Variants in KIF5B observed in about 807,000 individuals in gnomAD.
The protein encoded by KIF5B is kinesin-1 heavy chain.
Under a neutral mutation model 132.8 loss-of-function variants are expected in KIF5B, and 49 were observed. The observed-to-expected ratio is 0.37, with a 90% CI of 0.29 to 0.47. KIF5B has a LOEUF of 0.47. Ranked by LOEUF, KIF5B falls within the 20% of genes least tolerant of loss-of-function variation. The pLI, the probability that KIF5B is intolerant of heterozygous loss-of-function variation, is 1.00. For missense variants in KIF5B, 780 were observed against 1,144.0 expected, an observed-to-expected ratio of 0.68 and a Z score of 4.59; for synonymous variants, 355 against 369.4, an observed-to-expected ratio of 0.96 and a Z score of 0.45.
Position 32,035,685 on chromosome 10 carries a change from G to A in KIF5B, c.817-18C>T. ...ACATATGTCTGCATACAAAAACAAA[G>A]AAAGAAAACAAGACCAGTATAATAA... On this transcript the variant is annotated intron_variant, in intron 9 of 25. Coordinates refer to ENST00000302418, the MANE Select transcript of KIF5B (RefSeq NM_004521.3). 3 of 1,585,106 alleles carry A rather than the reference G, an allele frequency of 1.9e-6. No individual in the cohort carries two copies. Among genetic ancestry groups the A allele is most frequent in the Non-Finnish European group, 2.6e-6 (3 of 1,168,524 alleles).
At chr10:32,030,202 T>A (rs1290803133) in intron 14 of KIF5B, among the ~76,000 whole-genome samples, 1 of 152,184 alleles carries the variant, frequency 6.6e-6, no homozygotes, top group Non-Finnish European at 1.5e-5. Context: ...CTGTCCTGTA[T>A]CAATTTTCAG....
intron 15 of KIF5B, among the ~76,000 whole-genome samples, chr10:32,027,296 G>A (rs1841345319): frequency 6.6e-6 from 1 of 152,058 alleles, no homozygotes; most frequent in South Asian, 2.1e-4. Context: ...TATATGCATG[G>A]TTTTTCAGTT....
intron 20 of KIF5B, among the ~76,000 whole-genome samples, 200 bp from the exon 21 acceptor site, chr10:32,018,762 CA>C (rs999033018): frequency 2.0e-5 from 3 of 151,804 alleles, no homozygotes; most frequent in African/African-American, 7.3e-5. Context: ...GTTTCTGTCC[CA>C]AACACTGCTC....
chr10:32,023,086 G>C lies in KIF5B; in HGVS notation c.1726-50C>G, dbSNP rs150489740. On this transcript the variant is annotated intron_variant, in intron 15 of 25. Coordinates refer to ENST00000302418, the MANE Select transcript of KIF5B (RefSeq NM_004521.3). ...AATTAAAGCCAAAAATGTTCAATGTGTGTTTTCCCAATTAGGCTATAAAAT... is the reference window on the plus strand; with the variant it reads ...AATTAAAGCCAAAAATGTTCAATGTCTGTTTTCCCAATTAGGCTATAAAAT... The C allele has an allele frequency of 2.3e-4, 249 of 1,077,126 alleles. No individual in the cohort carries two copies. The African/African-American group carries it at 3.4e-3, about 15-fold the overall frequency. 66.7% of individuals were successfully genotyped at this position (1,077,126 alleles called of 1,614,324 possible).
At chr10:32,055,823 AG>A (rs747396188) in intron 1 of KIF5B, 24 bp downstream of exon 1, 9 of 1,608,950 alleles carry the variant, frequency 5.6e-6, no homozygotes, top group Non-Finnish European at 7.6e-6. Context: ...AAGCGGGAGG[AG>A]GGATGCCGGC....
intron 1 of KIF5B, among the ~76,000 whole-genome samples, chr10:32,050,873 A>C (rs1841685680): frequency 6.6e-6 from 1 of 152,236 alleles, no homozygotes; most frequent in Non-Finnish European, 1.5e-5. Context: ...CTGAAAACAA[A>C]CGTTAAGTAC....
chr10:32,056,200 T>C lies in KIF5B; in HGVS notation c.-227A>G, dbSNP rs1841761234. The C allele has an allele frequency of 4.0e-6, 2 of 496,746 alleles. No individual in the cohort carries two copies. Among genetic ancestry groups the C allele is most frequent in the Non-Finnish European group, 3.5e-6 (1 of 287,526 alleles). The allele number at this position is 496,746 out of a possible 1,614,324, so 30.8% of individuals were successfully genotyped here. ...CACTTCCGATCCATCATGGCAGCCA[T>C]GGCGGCGGCAGCGGCGGCGGCACCG... is the stretch of plus-strand genomic sequence containing the variant. On this transcript the variant is annotated 5_prime_UTR_variant, in exon 1 of 26. The change abolishes an upstream ATG in the 5' untranslated region. Coordinates refer to ENST00000302418, the MANE Select transcript of KIF5B (RefSeq NM_004521.3).
intron 4 of KIF5B, among the ~76,000 whole-genome samples, chr10:32,039,069 G>C (rs1311274016): frequency 6.6e-6 from 1 of 152,126 alleles, no homozygotes; most frequent in Non-Finnish European, 1.5e-5. Context: ...TTATGTAGTA[G>C]AAACCTTCAA....
At chr10:32,027,772 T>G (rs1209636840) in intron 15 of KIF5B, among the ~76,000 whole-genome samples, 2 of 152,044 alleles carry the variant, frequency 1.3e-5, no homozygotes, top group Admixed American at 6.6e-5. Context: ...TAGGCTAATT[T>G]TTAAATTTTT....
intron 2 of KIF5B, among the ~76,000 whole-genome samples, chr10:32,046,473 C>T (rs1841612352): frequency 6.6e-6 from 1 of 152,196 alleles, no homozygotes; most frequent in South Asian, 2.1e-4. Flanking sequence ...AATACCATTA[C>T]TGTTGTAATA....
In KIF5B at chr10:32,011,033, GTGT is replaced by G. The variant is rs1841071279; in HGVS notation, c.*501_*503del. 2 of 152,140 alleles carry G rather than the reference GTGT, an allele frequency of 1.3e-5. No individual in the cohort carries two copies. Among genetic ancestry groups the G allele is most frequent in the South Asian group, 4.1e-4 (2 of 4,826 alleles). The allele number at this position is 152,140 out of a possible 1,614,324, so 9.4% of individuals were successfully genotyped here. The stretch of plus-strand genomic sequence containing the variant: ...ACTGGATATATTTTATGGGCATGTA[GTGT>G]TGTTAAGTGGTAAAATTTAAAGACA... On this transcript the variant is annotated 3_prime_UTR_variant, in exon 26 of 26. Coordinates refer to ENST00000302418, the MANE Select transcript of KIF5B (RefSeq NM_004521.3).
Position 32,026,567 on chromosome 10 carries a change from A to C in KIF5B, c.1725+1861T>G, listed in dbSNP as rs377709920. On this transcript the variant is annotated intron_variant, in intron 15 of 25. Transcript: ENST00000302418. Reference sequence around the variant, plus strand: ...TTTTTTAATTAGAATAACTATTTGCAAAGACGACTTATTTTCAAACTGCTA... The same window carrying C: ...TTTTTTAATTAGAATAACTATTTGCCAAGACGACTTATTTTCAAACTGCTA... 1.1e-4 allele frequency among the ~76,000 whole-genome samples: 16 copies of C among 149,606 alleles called. No homozygotes were observed. The East Asian group carries it at 2.2e-3, about 20-fold the overall frequency.
intron 1 of KIF5B, among the ~76,000 whole-genome samples, chr10:32,049,052 C>T (rs1841652690): frequency 6.6e-6 from 1 of 152,094 alleles, no homozygotes; most frequent in African/African-American, 2.4e-5. Context: ...TTGTCTTGAA[C>T]TTCTGGGCTC....
intron 25 of KIF5B, among the ~76,000 whole-genome samples, chr10:32,011,938 A>G (rs572128245): frequency 3.6e-4 from 55 of 151,148 alleles, no homozygotes; most frequent in African/African-American, 1.3e-3. Flanking sequence ...TTAAAAAAAA[A>G]AGGGGGAGAG....
intron 1 of KIF5B, among the ~76,000 whole-genome samples, chr10:32,054,893 A>T (rs1841732919): frequency 6.6e-6 from 1 of 152,170 alleles, no homozygotes; most frequent in Non-Finnish European, 1.5e-5. Flanking sequence ...TATGTTTTTC[A>T]TTACAAAAAA....
At chr10:32,045,594 GAGA>G (rs1333200129) in intron 2 of KIF5B, among the ~76,000 whole-genome samples, 1 of 152,162 alleles carries the variant, frequency 6.6e-6, no homozygotes. Flanking sequence ...AAAAGCCAAA[GAGA>G]ACAAAGGTAA....
At chr10:32,046,677 CA>C (rs1441921566) in intron 2 of KIF5B, among the ~76,000 whole-genome samples, 1 of 152,170 alleles carries the variant, frequency 6.6e-6, no homozygotes, top group African/African-American at 2.4e-5. Context: ...CTCAGCCTCC[CA>C]AAGTGCTGGA....
At chr10:32,025,646 G>T (rs1362334368) in intron 15 of KIF5B, among the ~76,000 whole-genome samples, 3 of 152,160 alleles carry the variant, frequency 2.0e-5, no homozygotes, top group Non-Finnish European at 4.4e-5. Context: ...GAAGTGCTGG[G>T]ATTACAGGCA....
intron 2 of KIF5B, among the ~76,000 whole-genome samples, chr10:32,045,405 C>T (rs1338704132): frequency 6.6e-6 from 1 of 152,192 alleles, no homozygotes; most frequent in Admixed American, 6.5e-5. Flanking sequence ...TTACTACCAT[C>T]TTCCACAAAT....
Sources: gnomAD v4.1 joint callset for allele counts (sites outside exome capture counted in the v4.1 genomes callset) on GRCh38, gnomAD v4.1.1 for gene constraint, MANE v1.5 for transcripts, NCBI Gene and HGNC (gene_info 2026-07-23, HGNC 2026-07-21) for gene names.